The following RSPRY1 variants were observed in gnomAD, a reference collection of about 807,000 sequenced individuals.
RSPRY1 encodes ring finger and SPRY domain containing 1.
RSPRY1 carries 23 observed loss-of-function variants against 73.1 expected under a neutral mutation model. That is an observed-to-expected ratio of 0.31 (90% CI 0.23 to 0.45). The LOEUF is 0.45. RSPRY1 is among the 20% of genes least tolerant of loss of function. The pLI is 1.00. For synonymous variants in RSPRY1, 226 were observed against 251.4 expected, an observed-to-expected ratio of 0.90 and a Z score of 0.95; for missense variants, 448 against 698.7, an observed-to-expected ratio of 0.64 and a Z score of 4.05.
At chr16:57,206,514 C>T (rs2074728054) in intron 2 of RSPRY1, among the ~76,000 whole-genome samples, 1 of 152,254 alleles carries the variant, frequency 6.6e-6, no homozygotes, top group Middle Eastern at 3.4e-3. Context: ...AATTTAAGCT[C>T]ATTGGAAAAA....
At chr16:57,208,572 T>A (rs1260693415) in intron 3 of RSPRY1, among the ~76,000 whole-genome samples, 1 of 151,720 alleles carries the variant, frequency 6.6e-6, no homozygotes, top group African/African-American at 2.4e-5. Flanking sequence ...GCAATTTTTC[T>A]GTTGTTTGTA....
chr16:57,230,909 G>A (rs2075208277), intron 12 of RSPRY1, 96 bp downstream of exon 12: 1 of 768,074 alleles, frequency 1.3e-6, no homozygotes, highest in African/African-American at 1.8e-5. Flanking sequence ...ATATGCAATT[G>A]TGATGAGAAA....
At chr16:57,189,412 A>T in intron 1 of RSPRY1, among the ~76,000 whole-genome samples, 1 of 151,974 alleles carries the variant, frequency 6.6e-6, no homozygotes, top group Non-Finnish European at 1.5e-5. Context: ...GGGAAATAAA[A>T]ACTTAGCATT....
intron 1 of RSPRY1, among the ~76,000 whole-genome samples, chr16:57,193,164 T>TGAC: frequency 6.6e-6 from 1 of 152,362 alleles, no homozygotes; most frequent in South Asian, 2.1e-4. Flanking sequence ...GTACTCTGTG[T>TGAC]GACCTAAACC....
rs756094594 is a variant in RSPRY1, at chr16:57,213,937, A to G, written c.693A>G (p.Leu231=). 5.0e-6 allele frequency: 8 copies of G among 1,605,646 alleles called. No individual in the cohort carries two copies. The highest frequency in any genetic ancestry group is 2.2e-5 in the South Asian group (2 of 90,914). ...GCCCAGGAATACTGGAATACTTGCTACAGTGTCTGGTAAGTGAGACATCAA... is the reference window on the plus strand; with the variant it reads ...GCCCAGGAATACTGGAATACTTGCTGCAGTGTCTGGTAAGTGAGACATCAA... ...LLSPGILEYL[L]QCLKLQSHPT... is the part of the protein sequence containing the mutation. The change falls in exon 6 of 15, where the codon CTA becomes CTG. Residue 231 remains leucine, a synonymous_variant. Transcript: ENST00000394420.
intron 5 of RSPRY1, 49 bp from the exon 6 acceptor site, chr16:57,213,837 TAA>T: frequency 7.7e-7 from 1 of 1,295,612 alleles, no homozygotes; most frequent in Non-Finnish European, 1.1e-6. Context: ...ACCAGTGATT[TAA>T]AATAATCTGG....
chr16:57,239,011 C>G lies in RSPRY1; in HGVS notation c.*36C>G, dbSNP rs776152764. ...GAGGCATCGTGGACTTTTTTCTACT[C>G]AATTCCAGCCAATGTTGAAAAGAAA... is the stretch of plus-strand genomic sequence containing the variant. On this transcript the variant is annotated 3_prime_UTR_variant, in exon 15 of 15. Transcript: ENST00000394420. 9.2e-7 allele frequency: 1 copy of G among 1,084,582 alleles called. No homozygotes were observed. Among genetic ancestry groups the G allele is most frequent in the East Asian group, 2.4e-5 (1 of 41,462 alleles). 67.2% of individuals were successfully genotyped at this position (1,084,582 alleles called of 1,614,324 possible). A position where few individuals can be genotyped will look rare whatever the true frequency, so the allele number is the denominator to read the frequency against.
intron 13 of RSPRY1, among the ~76,000 whole-genome samples, chr16:57,231,595 A>C (rs2075220998): frequency 1.3e-5 from 2 of 152,220 alleles, no homozygotes; most frequent in African/African-American, 4.8e-5. Flanking sequence ...TTGTTATTTA[A>C]AATGTTACCA....
At chr16:57,197,410 G>A (rs1280652686) in intron 1 of RSPRY1, among the ~76,000 whole-genome samples, 3 of 151,832 alleles carry the variant, frequency 2.0e-5, no homozygotes, top group Non-Finnish European at 4.4e-5. Flanking sequence ...TTCCTTGTAC[G>A]TTTCATAGGC....
intron 10 of RSPRY1, among the ~76,000 whole-genome samples, chr16:57,225,955 A>G (rs1004095332): frequency 2.6e-5 from 4 of 152,124 alleles, no homozygotes; most frequent in African/African-American, 9.7e-5. Context: ...GCGCATGCCT[A>G]TAATCCCAGC....
chr16:57,225,954 T>C (rs1846366030), intron 10 of RSPRY1, among the ~76,000 whole-genome samples: 1 of 152,172 alleles, frequency 6.6e-6, no homozygotes, highest in Non-Finnish European at 1.5e-5. Flanking sequence ...GGCGCATGCC[T>C]ATAATCCCAG....
At chr16:57,200,511 CG>C (rs1315746547) in intron 1 of RSPRY1, among the ~76,000 whole-genome samples, 2 of 146,214 alleles carry the variant, frequency 1.4e-5, no homozygotes, top group East Asian at 2.1e-4. Flanking sequence ...ACCTCCCAGA[CG>C]GGGTGGCTGG....
intron 1 of RSPRY1, chr16:57,186,977 G>C (rs12596783): frequency 2.0e-5 from 3 of 152,022 alleles, no homozygotes; most frequent in Non-Finnish European, 4.4e-5. Context: ...TTGGGATAGA[G>C]AGAGAATGGG....
intron 1 of RSPRY1, among the ~76,000 whole-genome samples, chr16:57,195,026 AC>A (rs1473336188): frequency 6.6e-6 from 1 of 152,144 alleles, no homozygotes; most frequent in East Asian, 1.9e-4. Context: ...TGCTTCATTT[AC>A]CCCCAAGAAA....
intron 13 of RSPRY1, among the ~76,000 whole-genome samples, chr16:57,232,898 A>C (rs2075247076): frequency 6.6e-6 from 1 of 152,226 alleles, no homozygotes; most frequent in Non-Finnish European, 1.5e-5. Flanking sequence ...AGTAACAAGA[A>C]GATATAGTTG....
At chr16:57,189,417 A>T (rs1360656338) in intron 1 of RSPRY1, among the ~76,000 whole-genome samples, 17 of 151,986 alleles carry the variant, frequency 1.1e-4, no homozygotes, top group Non-Finnish European at 4.4e-5. Context: ...ATAAAAACTT[A>T]GCATTTTGTA....
chr16:57,229,847 A>G (rs1415819251), intron 11 of RSPRY1, among the ~76,000 whole-genome samples: 5 of 148,994 alleles, frequency 3.4e-5, no homozygotes, highest in Non-Finnish European at 6.0e-5. Context: ...CTGGGATTAC[A>G]GGCACCTGCC....
rs570193066 is a variant in RSPRY1, at chr16:57,233,474, C to T, written c.1530-1650C>T. On this transcript the variant is annotated intron_variant, in intron 13 of 14. Coordinates refer to ENST00000394420, the MANE Select transcript of RSPRY1 (RefSeq NM_133368.3). ...GCAACCTCCATCTCCCAGGCTCAAG[C>T]GATCCTCCCACCTCAGCCTCCTGAG... is the stretch of plus-strand genomic sequence containing the variant. 1.2e-3 allele frequency among the ~76,000 whole-genome samples: 176 copies of T among 152,222 alleles called. 1 individual carries two copies. Among genetic ancestry groups the T allele is most frequent in the African/African-American group, 4.1e-3 (170 of 41,510 alleles).
intron 8 of RSPRY1, among the ~76,000 whole-genome samples, chr16:57,219,408 TC>T (rs2074998635): frequency 6.6e-6 from 1 of 152,262 alleles, no homozygotes; most frequent in Admixed American, 6.5e-5. Flanking sequence ...TCTCTGATGA[TC>T]AATAATGTTG....
Sources: gnomAD v4.1 joint callset for allele counts (sites outside exome capture counted in the v4.1 genomes callset) on GRCh38, gnomAD v4.1.1 for gene constraint, MANE v1.5 for transcripts, NCBI Gene and HGNC (gene_info 2026-07-23, HGNC 2026-07-21) for gene names.